Variants in LRRTM4 observed in about 807,000 individuals in gnomAD.
LRRTM4 encodes the protein leucine-rich repeat transmembrane neuronal protein 4.
Under a neutral mutation model 47.6 loss-of-function variants are expected in LRRTM4, and 25 were observed. The ratio of observed to expected loss-of-function variants is 0.53; its 90% CI spans 0.38 to 0.73. LRRTM4 has a LOEUF of 0.73. Ranked by LOEUF, LRRTM4 falls within the 30% of genes least tolerant of loss-of-function variation. The pLI, the probability that LRRTM4 is intolerant of heterozygous loss-of-function variation, is 0.00. For synonymous variants in LRRTM4, 311 were observed against 269.5 expected, an observed-to-expected ratio of 1.15 and a Z score of -1.51; for missense variants, 638 against 713.4, an observed-to-expected ratio of 0.89 and a Z score of 1.20.
chr2:77,316,282 G>T (rs920064152), intron 3 of LRRTM4, among the ~76,000 whole-genome samples: 1 of 152,102 alleles, frequency 6.6e-6, no homozygotes, highest in Admixed American at 6.6e-5. Context: ...AGAATGATGC[G>T]TAAGTTCTCA....
At chr2:77,323,477 T>A (rs1166774608) in intron 3 of LRRTM4, among the ~76,000 whole-genome samples, 1 of 152,140 alleles carries the variant, frequency 6.6e-6, no homozygotes, top group Non-Finnish European at 1.5e-5. Flanking sequence ...AGCCAAACAT[T>A]TCTGTTTGTT....
At chr2:77,509,315 G>A (rs971271946) in intron 3 of LRRTM4, among the ~76,000 whole-genome samples, 2 of 151,626 alleles carry the variant, frequency 1.3e-5, no homozygotes, top group Non-Finnish European at 2.9e-5. Context: ...TGATAAGATA[G>A]GGAATTTATA....
At chr2:77,062,150 G>C (rs1000561927) in intron 3 of LRRTM4, among the ~76,000 whole-genome samples, 1 of 151,992 alleles carries the variant, frequency 6.6e-6, no homozygotes, top group Non-Finnish European at 1.5e-5. Context: ...TTCTTTTTTG[G>C]GGGGTGGCAG....
chr2:77,066,417 G>C (rs1679958567), intron 3 of LRRTM4, among the ~76,000 whole-genome samples: 2 of 152,132 alleles, frequency 1.3e-5, no homozygotes, highest in Admixed American at 1.3e-4. Context: ...AGCTACCTGT[G>C]GTCATTGATT....
At chr2:77,172,230 T>A (rs542571770) in intron 3 of LRRTM4, among the ~76,000 whole-genome samples, 1 of 152,328 alleles carries the variant, frequency 6.6e-6, no homozygotes, top group East Asian at 1.9e-4. Context: ...GATGAAATGT[T>A]GGGAATACAT....
At chr2:76,942,360 T>G (rs1675174960) in intron 3 of LRRTM4, among the ~76,000 whole-genome samples, 1 of 152,072 alleles carries the variant, frequency 6.6e-6, no homozygotes, top group African/African-American at 2.4e-5. Context: ...TGATTTTGGT[T>G]AAACACATTT....
chr2:77,099,045 A>C (rs1420448320), intron 3 of LRRTM4, among the ~76,000 whole-genome samples: 2 of 151,888 alleles, frequency 1.3e-5, no homozygotes, highest in East Asian at 3.9e-4. Flanking sequence ...TTCATTAAAA[A>C]CACTAGGGAA....
chr2:76,937,737 T>G (rs1419969179), intron 3 of LRRTM4, among the ~76,000 whole-genome samples: 1 of 152,040 alleles, frequency 6.6e-6, no homozygotes, highest in African/African-American at 2.4e-5. Flanking sequence ...GGGCTAATTT[T>G]TTCGTATTTT....
chr2:77,313,160 T>G lies in LRRTM4; in HGVS notation c.1551+205158A>C, dbSNP rs558503467. 4.8e-5 allele frequency among the ~76,000 whole-genome samples: 7 copies of G among 146,534 alleles called. No individual in the cohort carries two copies. The South Asian group carries it at 1.5e-3, about 31-fold the overall frequency. ...CCTATGTTTTCCTGGGACCTGTTGC[T>G]GTGACGTGCCTCCCTATTTTTTCCT... On this transcript the variant is annotated intron_variant, in intron 3 of 3. Transcript: ENST00000409884.
At chr2:77,145,473 TA>T (rs1451709338) in intron 3 of LRRTM4, among the ~76,000 whole-genome samples, 1 of 151,746 alleles carries the variant, frequency 6.6e-6, no homozygotes, top group African/African-American at 2.4e-5. Context: ...GTTTTTCTCT[TA>T]AAAGTTGTAT....
At chr2:77,438,468 G>A (rs373069280) in intron 3 of LRRTM4, among the ~76,000 whole-genome samples, 3 of 141,954 alleles carry the variant, frequency 2.1e-5, no homozygotes, top group African/African-American at 5.4e-5. Flanking sequence ...GTGTAGTGGC[G>A]CGATCTCGGC....
intron 3 of LRRTM4, among the ~76,000 whole-genome samples, chr2:76,781,104 G>A (rs1020741644): frequency 3.3e-5 from 5 of 152,248 alleles, no homozygotes; most frequent in African/African-American, 1.2e-4. Flanking sequence ...GAGGCAGTCT[G>A]CCCATTCTCA....
chr2:76,968,099 C>G (rs1676088047), intron 3 of LRRTM4, among the ~76,000 whole-genome samples: 1 of 150,874 alleles, frequency 6.6e-6, no homozygotes. Context: ...TCGCACAGAT[C>G]TATCTGTGAT....
chr2:77,294,048 T>C (rs1185795177), intron 3 of LRRTM4, among the ~76,000 whole-genome samples: 2 of 152,164 alleles, frequency 1.3e-5, no homozygotes. Flanking sequence ...GTATACCACA[T>C]AGATGCATGT....
chr2:76,888,386 T>C (rs544638058), intron 3 of LRRTM4, among the ~76,000 whole-genome samples: 11 of 151,456 alleles, frequency 7.3e-5, no homozygotes, highest in Admixed American at 4.6e-4. Context: ...TTGTATTCTT[T>C]CTCGAACACA....
chr2:76,941,234 CAT>C (rs1172368206), intron 3 of LRRTM4, among the ~76,000 whole-genome samples: 1 of 152,158 alleles, frequency 6.6e-6, no homozygotes, highest in Non-Finnish European at 1.5e-5. Context: ...AGGATGCACA[CAT>C]ATTATATTTT....
intron 3 of LRRTM4, among the ~76,000 whole-genome samples, chr2:77,083,372 G>A (rs1453117750): frequency 6.6e-6 from 1 of 152,050 alleles, no homozygotes; most frequent in African/African-American, 2.4e-5. Flanking sequence ...ATTCTTAAAG[G>A]TTTGCCAACA....
At chr2:77,068,470 A>ATC (rs1680035047) in intron 3 of LRRTM4, among the ~76,000 whole-genome samples, 1 of 152,174 alleles carries the variant, frequency 6.6e-6, no homozygotes, top group African/African-American at 2.4e-5. Context: ...ATGCTCTCTC[A>ATC]ATGGGAACCC....
chr2:77,440,447 C>T (rs1573417708), intron 3 of LRRTM4, among the ~76,000 whole-genome samples: 1 of 152,182 alleles, frequency 6.6e-6, no homozygotes, highest in Non-Finnish European at 1.5e-5. Flanking sequence ...TGAGAGATAA[C>T]ACCACATAGG....
Sources: allele counts gnomAD v4.1 joint callset (sites outside exome capture counted in the v4.1 genomes callset), GRCh38; gene constraint gnomAD v4.1.1; transcripts MANE v1.5; gene names NCBI Gene and HGNC (gene_info 2026-07-23, HGNC 2026-07-21).